DLG2: variants seen among roughly 807,000 people sequenced by gnomAD.
The protein encoded by DLG2 is discs large MAGUK scaffold protein 2, also known as disks large homolog 2.
DLG2 carries 45 observed loss-of-function variants against 132.5 expected under a neutral mutation model. That is an observed-to-expected ratio of 0.34 (90% CI 0.27 to 0.44). The LOEUF is 0.44. Ranked by LOEUF, DLG2 falls within the 20% of genes least tolerant of loss-of-function variation. The pLI is 1.00. For synonymous variants in DLG2, 424 were observed against 419.6 expected, an observed-to-expected ratio of 1.01 and a Z score of -0.13; for missense variants, 1,045 against 1,196.9, an observed-to-expected ratio of 0.87 and a Z score of 1.87.
intron 18 of DLG2, among the ~76,000 whole-genome samples, chr11:83,755,784 T>TA (rs768335551): frequency 1.3e-5 from 2 of 151,322 alleles, no homozygotes; most frequent in Non-Finnish European, 2.9e-5. Context: ...AGGAAGTGAC[T>TA]ATGGCGGTTA....
Position 84,433,138 on chromosome 11 carries a change from A to T in DLG2, c.519+101432T>A, listed in dbSNP as rs1021081386. Reference sequence around the variant, plus strand: ...AAGCTCATCTACAGGTGTGTCTGTTAGATTATGAATATTGATACTAGTCTT... The same window carrying T: ...AAGCTCATCTACAGGTGTGTCTGTTTGATTATGAATATTGATACTAGTCTT... On this transcript the variant is annotated intron_variant, in intron 7 of 27. Transcript: ENST00000376104. Among the ~76,000 whole-genome samples, 4 of 152,218 alleles carry T rather than the reference A, an allele frequency of 2.6e-5. No individual in the cohort carries two copies. The South Asian group carries it at 6.2e-4, about 24-fold the overall frequency.
At chr11:85,514,723 C>G (rs1377328325) in intron 3 of DLG2, among the ~76,000 whole-genome samples, 1 of 151,820 alleles carries the variant, frequency 6.6e-6, no homozygotes, top group Non-Finnish European at 1.5e-5. Flanking sequence ...AAAAATGTCT[C>G]TTTAAAAATG....
chr11:84,619,206 A>G (rs1324983512), intron 6 of DLG2, among the ~76,000 whole-genome samples: 2 of 151,932 alleles, frequency 1.3e-5, no homozygotes, highest in African/African-American at 4.8e-5. Context: ...TCAGAAATTA[A>G]TAACACAAGA....
At chr11:85,149,863 ATCCCTTT>A (rs1417379725) in intron 5 of DLG2, among the ~76,000 whole-genome samples, 1 of 152,034 alleles carries the variant, frequency 6.6e-6, no homozygotes, top group Non-Finnish European at 1.5e-5. Context: ...AGATGACAGA[ATCCCTTT>A]TAGCAGAGTG....
In DLG2 at chr11:83,989,433, G is replaced by A. The variant is rs541841409; in HGVS notation, c.920-8791C>T. The stretch of plus-strand genomic sequence containing the variant: ...CTCTCAATAAACTGTCAGGTTGTTG[G>A]GAAAACATGACACCAACACTTTGGC... On this transcript the variant is annotated intron_variant, in intron 11 of 27. Transcript: ENST00000376104. Among the ~76,000 whole-genome samples, 194 of 152,154 alleles carry A rather than the reference G, an allele frequency of 1.3e-3. 1 individual carries two copies. The highest frequency in any genetic ancestry group is 4.5e-3 in the African/African-American group (185 of 41,538).
At chr11:84,805,588 G>T in intron 6 of DLG2, among the ~76,000 whole-genome samples, 1 of 152,102 alleles carries the variant, frequency 6.6e-6, no homozygotes, top group East Asian at 1.9e-4. Context: ...AGATCGGGTT[G>T]GTTGTTTTAA....
At chr11:85,014,567 T>A (rs2059412428) in intron 6 of DLG2, among the ~76,000 whole-genome samples, 1 of 152,192 alleles carries the variant, frequency 6.6e-6, no homozygotes, top group Non-Finnish European at 1.5e-5. Context: ...TCCATATTTC[T>A]GGCTCTGCCC....
chr11:84,898,775 T>A (rs1047896600), intron 6 of DLG2, among the ~76,000 whole-genome samples: 1 of 151,998 alleles, frequency 6.6e-6, no homozygotes, highest in African/African-American at 2.4e-5. Context: ...TATCTAGCTA[T>A]CTTCCATGGC....
intron 9 of DLG2, among the ~76,000 whole-genome samples, chr11:84,100,915 T>C (rs917281364): frequency 1.3e-5 from 2 of 152,142 alleles, no homozygotes; most frequent in Non-Finnish European, 2.9e-5. Flanking sequence ...TTATTACATA[T>C]GTTGAAAGGG....
chr11:85,557,988 C>T (rs2077028204), intron 3 of DLG2, among the ~76,000 whole-genome samples: 1 of 151,838 alleles, frequency 6.6e-6, no homozygotes, highest in African/African-American at 2.4e-5. Context: ...AGTTTCTGCA[C>T]AGCAAAAGAC....
intron 5 of DLG2, among the ~76,000 whole-genome samples, chr11:85,115,878 C>T (rs1456341030): frequency 6.6e-6 from 1 of 151,888 alleles, no homozygotes; most frequent in Non-Finnish European, 1.5e-5. Context: ...TCAGCCTTTC[C>T]CTTTATCTCT....
At chr11:85,500,308 G>C (rs1360057360) in intron 3 of DLG2, among the ~76,000 whole-genome samples, 2 of 135,454 alleles carry the variant, frequency 1.5e-5, no homozygotes, top group Non-Finnish European at 3.0e-5. Context: ...ACCAAACACC[G>C]CATATTCTCA....
At chr11:84,217,506 C>T (rs1013231109) in intron 8 of DLG2, among the ~76,000 whole-genome samples, 1 of 152,158 alleles carries the variant, frequency 6.6e-6, no homozygotes, top group African/African-American at 2.4e-5. Context: ...GTCCATTAAA[C>T]CTCTTTCTTT....
intron 6 of DLG2, among the ~76,000 whole-genome samples, chr11:84,645,042 G>A (rs2154545718): frequency 6.6e-6 from 1 of 152,268 alleles, no homozygotes; most frequent in Non-Finnish European, 1.5e-5. Flanking sequence ...GCTTAGCATG[G>A]AAAATTTACC....
chr11:84,269,318 A>T (rs2097689263), intron 7 of DLG2, among the ~76,000 whole-genome samples: 1 of 152,252 alleles, frequency 6.6e-6, no homozygotes, highest in Non-Finnish European at 1.5e-5. Context: ...GCATTCATTG[A>T]ATAGACGAAC....
chr11:83,461,063 C>T (rs541611556), intron 27 of DLG2, among the ~76,000 whole-genome samples: 1 of 136,750 alleles, frequency 7.3e-6, no homozygotes, highest in Admixed American at 8.5e-5. Context: ...GGCTGGAGTG[C>T]AGTAGCACGA....
chr11:83,490,407 G>A (rs2093772496), intron 21 of DLG2, among the ~76,000 whole-genome samples: 2 of 151,926 alleles, frequency 1.3e-5, no homozygotes, highest in Admixed American at 6.6e-5. Flanking sequence ...TAAAAGAAAA[G>A]CTCTTCTTTA....
chr11:84,306,826 G>A (rs2098224424), intron 7 of DLG2, among the ~76,000 whole-genome samples: 1 of 152,096 alleles, frequency 6.6e-6, no homozygotes, highest in African/African-American at 2.4e-5. Context: ...AATGGCTATT[G>A]AAAAGTCAAA....
chr11:85,437,424 A>T (rs2091548963), intron 3 of DLG2, among the ~76,000 whole-genome samples: 1 of 152,194 alleles, frequency 6.6e-6, no homozygotes, highest in African/African-American at 2.4e-5. Flanking sequence ...TAGAAAATTA[A>T]TTTATTTGTG....
Sources: allele counts gnomAD v4.1 joint callset (sites outside exome capture counted in the v4.1 genomes callset), GRCh38; gene constraint gnomAD v4.1.1; transcripts MANE v1.5; gene names NCBI Gene and HGNC (gene_info 2026-07-23, HGNC 2026-07-21).